The following LOXHD1 variants were observed in gnomAD, a reference collection of about 807,000 sequenced individuals.
LOXHD1 encodes the protein lipoxygenase homology PLAT domains 1.
LOXHD1 carries 205 observed loss-of-function variants against 248.2 expected under a neutral mutation model. That is an observed-to-expected ratio of 0.83 (90% CI 0.74 to 0.93). The LOEUF (loss-of-function observed/expected upper bound fraction) is 0.93. Ranked by LOEUF, LOXHD1 falls within the 40% of genes least tolerant of loss-of-function variation. The probability of loss-of-function intolerance (pLI) is 0.00; values close to 1 mark genes in which losing one functional copy is unlikely to be tolerated. For synonymous variants in LOXHD1, 1,113 were observed against 1,162.8 expected, an observed-to-expected ratio of 0.96 and a Z score of 0.87; for missense variants, 2,930 against 2,971.6, an observed-to-expected ratio of 0.99 and a Z score of 0.33.
intron 4 of LOXHD1, among the ~76,000 whole-genome samples, chr18:46,633,291 A>G (rs986402322): frequency 4.1e-4 from 62 of 152,352 alleles, no homozygotes; most frequent in African/African-American, 1.5e-3. Context: ...GACCAGTGGA[A>G]TAGAACAGAG....
chr18:46,609,617 A>G (rs1414264277), intron 6 of LOXHD1, among the ~76,000 whole-genome samples: 1 of 152,228 alleles, frequency 6.6e-6, no homozygotes, highest in Non-Finnish European at 1.5e-5. Flanking sequence ...AACTGAGGGA[A>G]GTCTATGCAA....
intron 37 of LOXHD1, among the ~76,000 whole-genome samples, chr18:46,491,762 G>A (rs1240195784): frequency 1.3e-5 from 2 of 152,222 alleles, no homozygotes; most frequent in Non-Finnish European, 2.9e-5. Flanking sequence ...TGAGCTAAGG[G>A]GAAGGGTGGA....
chr18:46,549,046 C>G (rs930517316), intron 21 of LOXHD1, among the ~76,000 whole-genome samples: 1 of 152,182 alleles, frequency 6.6e-6, no homozygotes, highest in African/African-American at 2.4e-5. Flanking sequence ...CCCCACAGTG[C>G]CAACAAGCAC....
chr18:46,540,259 G>A (rs917215968), intron 25 of LOXHD1, among the ~76,000 whole-genome samples: 1 of 152,172 alleles, frequency 6.6e-6, no homozygotes, highest in African/African-American at 2.4e-5. Context: ...GAGTCTTGTT[G>A]CTGTGAACTA....
At position 46,557,447 on chromosome 18, in the gene LOXHD1, T is replaced by C; in HGVS notation, c.3259A>G (p.Thr1087Ala). The C allele has an allele frequency of 6.4e-7, 1 of 1,552,084 alleles. No homozygotes were observed. The highest frequency in any genetic ancestry group is 8.7e-7 in the Non-Finnish European group (1 of 1,147,100). ...TTGTCGTGGCGAATCCGAATCTTGG[T>C]CAGGGCCCCCAGGTCAATGGCATAG... The part of the protein sequence containing the change: ...TIYAIDLGAL[T>A]KIRIRHDNTG... Residue 1087 changes from threonine (T) to alanine (A), a missense_variant, in exon 21 of 41, where the codon ACC (threonine) becomes GCC (alanine). Thr to Ala is a moderately conservative substitution (Grantham distance 58). Transcript: ENST00000642948.
intron 25 of LOXHD1, 40 bp downstream of exon 25, chr18:46,541,736 G>T (rs577520586): frequency 2.6e-6 from 4 of 1,549,846 alleles, no homozygotes; most frequent in East Asian, 4.9e-5. Flanking sequence ...TGGTGATGGG[G>T]CCCCAGAGAA....
chr18:46,596,129 T>C (rs1350623902), intron 8 of LOXHD1, among the ~76,000 whole-genome samples: 1 of 152,222 alleles, frequency 6.6e-6, no homozygotes, highest in Non-Finnish European at 1.5e-5. Flanking sequence ...GAGGGTATCA[T>C]ATTCTGTTAT....
In LOXHD1 at chr18:46,593,480, T is replaced by C. The variant is rs1038542780; in HGVS notation, c.1431+120A>G. On this transcript the variant is annotated intron_variant, in intron 10 of 40. Coordinates refer to ENST00000642948, the MANE Select transcript of LOXHD1 (RefSeq NM_001384474.1). ...CCTTTGCAGGGACCTAAAATCTCCA[T>C]CGTACATTTTTGTCTTCAAACTTGG... 6 of 1,107,794 alleles carry C rather than the reference T, an allele frequency of 5.4e-6. No homozygotes were observed. In the Admixed American group the frequency reaches 1.0e-4, roughly 18 times the overall value. The allele number at this position is 1,107,794 out of a possible 1,614,324, so 68.6% of individuals were successfully genotyped here.
rs542606233 is a variant in LOXHD1, at chr18:46,651,302, A to G, written c.131-2033T>C. Among the ~76,000 whole-genome samples the G allele has an allele frequency of 2.6e-5, 4 of 152,244 alleles. No individual in the cohort carries two copies. The South Asian group carries it at 8.3e-4, about 32-fold the overall frequency. Reference sequence around the variant, plus strand: ...GAGAAAAGCAGCCATATATTTGCACAACTCCTTGTCTTTTGTGATAACCAA... The same window carrying G: ...GAGAAAAGCAGCCATATATTTGCACGACTCCTTGTCTTTTGTGATAACCAA... On this transcript the variant is annotated intron_variant, in intron 1 of 40. Transcript: ENST00000642948.
chr18:46,592,127 G>T (rs2038181680), intron 11 of LOXHD1, 59 bp from the exon 12 acceptor site: 1 of 1,546,086 alleles, frequency 6.5e-7, no homozygotes, highest in African/African-American at 1.4e-5. Flanking sequence ...CCGATGCCCT[G>T]CAGTCCCCAT....
At chr18:46,549,959 AT>A (rs1393175556) in intron 21 of LOXHD1, among the ~76,000 whole-genome samples, 2 of 152,210 alleles carry the variant, frequency 1.3e-5, no homozygotes, top group African/African-American at 4.8e-5. Context: ...TGTCTTTGAA[AT>A]TGAGTGCATT....
intron 21 of LOXHD1, among the ~76,000 whole-genome samples, chr18:46,554,329 G>C (rs1391721958): frequency 6.6e-6 from 1 of 152,148 alleles, no homozygotes; most frequent in Non-Finnish European, 1.5e-5. Context: ...AACAGTGAGG[G>C]AGATGTCAGT....
intron 15 of LOXHD1, among the ~76,000 whole-genome samples, chr18:46,571,529 C>G (rs2037751986): frequency 1.3e-5 from 2 of 152,202 alleles, no homozygotes; most frequent in Admixed American, 1.3e-4. Context: ...CTAAGTTTCT[C>G]CATCTGACCC....
intron 12 of LOXHD1, among the ~76,000 whole-genome samples, chr18:46,587,094 T>C (rs1279439140): frequency 6.6e-6 from 1 of 152,172 alleles, no homozygotes; most frequent in Non-Finnish European, 1.5e-5. Context: ...CCTACCAATA[T>C]TGTCTCCTCA....
chr18:46,557,033 C>T (rs1200676370), intron 21 of LOXHD1, among the ~76,000 whole-genome samples: 2 of 151,630 alleles, frequency 1.3e-5, no homozygotes, highest in Admixed American at 6.6e-5. Context: ...TTCGACGTCA[C>T]AGCCAGTCCA....
rs2037462431 is a variant in LOXHD1, at chr18:46,559,476, T to C, written c.3188A>G (p.Asp1063Gly). The change falls in exon 20 of 41, where the codon GAC (aspartate) becomes GGC (glycine). Residue 1063 changes from aspartate (D) to glycine (G), a missense_variant. By Grantham distance (94) the Asp-to-Gly change is moderately conservative (BLOSUM62 -1). Coordinates refer to ENST00000642948, the MANE Select transcript of LOXHD1 (RefSeq NM_001384474.1). ...CCCCTGCTCAAATTTGTTGGACTTG[T>C]CTGACTTCTTCAGGGGTCGTTCGCC... Reference protein sequence around the residue: ...DTGERPLKKSDKSNKFEQGQT... With the variant: ...DTGERPLKKSGKSNKFEQGQT... The C allele has an allele frequency of 1.3e-6, 2 of 1,552,100 alleles. No homozygotes were observed. The highest frequency in any genetic ancestry group is 1.7e-6 in the Non-Finnish European group (2 of 1,147,074).
chr18:46,651,184 T>C lies in LOXHD1; in HGVS notation c.131-1915A>G, dbSNP rs140243588. ...CATTCTCATGTGGTCCTTACAGGCCTGTGAGGCACCAGGATCAGGAGTGTT... is the reference window on the plus strand; with the variant it reads ...CATTCTCATGTGGTCCTTACAGGCCCGTGAGGCACCAGGATCAGGAGTGTT... On this transcript the variant is annotated intron_variant, in intron 1 of 40. Coordinates refer to ENST00000642948, the MANE Select transcript of LOXHD1 (RefSeq NM_001384474.1). Among the ~76,000 whole-genome samples, 418 of 152,342 alleles carry C rather than the reference T, an allele frequency of 2.7e-3. 4 individuals are homozygous for C. Among genetic ancestry groups the C allele is most frequent in the African/African-American group, 9.4e-3 (391 of 41,570 alleles).
intron 29 of LOXHD1, 137 bp from the exon 30 acceptor site, chr18:46,525,054 C>A: frequency 1.1e-6 from 1 of 939,764 alleles, no homozygotes; most frequent in African/African-American, 1.6e-5. Flanking sequence ...GCCCTCCAGG[C>A]CCAAATCCCC....
At chr18:46,543,775 C>T (rs1265787578) in intron 23 of LOXHD1, among the ~76,000 whole-genome samples, 3 of 152,092 alleles carry the variant, frequency 2.0e-5, no homozygotes, top group African/African-American at 7.3e-5. Flanking sequence ...TGGTGGAGCT[C>T]TAAGTCAATG....
Sources: allele counts gnomAD v4.1 joint callset (sites outside exome capture counted in the v4.1 genomes callset), GRCh38; gene constraint gnomAD v4.1.1; transcripts MANE v1.5; gene names NCBI Gene and HGNC (gene_info 2026-07-23, HGNC 2026-07-21).